Variants in FHIT observed in about 807,000 individuals in gnomAD.
The protein encoded by FHIT is bis(5'-adenosyl)-triphosphatase.
In FHIT, 19 loss-of-function variants were observed where a neutral mutation model predicts 17.9. The ratio of observed to expected loss-of-function variants is 1.06; its 90% CI spans 0.74 to 1.56. The LOEUF is 1.56. FHIT is among the 40% of genes most tolerant of loss of function. The pLI is 0.00. For synonymous variants in FHIT, 81 were observed against 69.7 expected (o/e 1.16, Z -0.81); for missense variants, 248 against 189.2 (o/e 1.31, Z -1.82).
intron 7 of FHIT, among the ~76,000 whole-genome samples, chr3:59,969,528 G>T (rs1238421546): frequency 6.6e-6 from 1 of 152,028 alleles, no homozygotes; most frequent in Non-Finnish European, 1.5e-5. Flanking sequence ...TTGCTTTTCA[G>T]TTCCCCAAAT....
At chr3:60,192,536 G>T (rs1366800888) in intron 5 of FHIT, among the ~76,000 whole-genome samples, 1 of 152,166 alleles carries the variant, frequency 6.6e-6, no homozygotes, top group Non-Finnish European at 1.5e-5. Flanking sequence ...GTAAGCATCT[G>T]ATCTATGAAC....
intron 5 of FHIT, among the ~76,000 whole-genome samples, chr3:60,498,705 C>A (rs2034402951): frequency 6.6e-6 from 1 of 152,168 alleles, no homozygotes; most frequent in Non-Finnish European, 1.5e-5. Flanking sequence ...AACAACATCA[C>A]ACACCTTAAT....
chr3:61,125,519 G>T (rs1392139159), intron 2 of FHIT, among the ~76,000 whole-genome samples: 1 of 152,084 alleles, frequency 6.6e-6, no homozygotes, highest in Non-Finnish European at 1.5e-5. Context: ...TTCCAGGCAG[G>T]TAGCAGGAAC....
At chr3:60,689,495 AGGG>A (rs1450570321) in intron 4 of FHIT, among the ~76,000 whole-genome samples, 1 of 152,148 alleles carries the variant, frequency 6.6e-6, no homozygotes, top group Non-Finnish European at 1.5e-5. Flanking sequence ...ATTTTATTCC[AGGG>A]ACTTGAGCAT....
At chr3:60,175,848 A>G (rs1478865810) in intron 5 of FHIT, among the ~76,000 whole-genome samples, 2 of 152,106 alleles carry the variant, frequency 1.3e-5, no homozygotes, top group East Asian at 3.9e-4. Context: ...ACTGTTAACT[A>G]CCCTAGTACA....
chr3:59,791,504 T>C (rs1034618735), intron 8 of FHIT, among the ~76,000 whole-genome samples: 4 of 152,206 alleles, frequency 2.6e-5, no homozygotes, highest in Non-Finnish European at 5.9e-5. Flanking sequence ...TCAACAATAC[T>C]ATTAGACTTT....
chr3:60,480,285 C>T (rs2033550668), intron 5 of FHIT, among the ~76,000 whole-genome samples: 1 of 152,128 alleles, frequency 6.6e-6, no homozygotes, highest in Admixed American at 6.6e-5. Context: ...CAGGTCTCTC[C>T]CTCAACATCT....
chr3:61,047,664 A>G (rs1430522835), intron 2 of FHIT, among the ~76,000 whole-genome samples: 1 of 152,178 alleles, frequency 6.6e-6, no homozygotes, highest in Admixed American at 6.6e-5. Flanking sequence ...AAAAGAGCCC[A>G]CATTGCTAAG....
chr3:60,035,888 C>G (rs986129490), intron 5 of FHIT, among the ~76,000 whole-genome samples: 38 of 152,188 alleles, frequency 2.5e-4, no homozygotes, highest in African/African-American at 8.7e-4. Flanking sequence ...AACAAGCAGT[C>G]CCAGCATTTC....
chr3:60,369,418 C>G (rs1184262230), intron 5 of FHIT, among the ~76,000 whole-genome samples: 3 of 152,194 alleles, frequency 2.0e-5, no homozygotes, highest in Non-Finnish European at 4.4e-5. Context: ...ATATCTTGGT[C>G]ATCTTCCATC....
rs1309656223 is a variant in FHIT, at chr3:60,519,737, T to G, written c.103+17123A>C. 3.9e-5 allele frequency among the ~76,000 whole-genome samples: 6 copies of G among 152,314 alleles called. No individual in the cohort carries two copies. The East Asian group carries it at 1.2e-3, about 29-fold the overall frequency. On this transcript the variant is annotated intron_variant, in intron 5 of 9. Coordinates refer to ENST00000492590, the MANE Select transcript of FHIT (RefSeq NM_002012.4). Reference sequence around the variant, plus strand: ...CATATCAAGGAATTTAACCTTTTCTTGTAACATCATGGCTTTTCTCTGCTT... The same window carrying G: ...CATATCAAGGAATTTAACCTTTTCTGGTAACATCATGGCTTTTCTCTGCTT...
intron 4 of FHIT, among the ~76,000 whole-genome samples, chr3:60,694,873 T>G (rs1420889228): frequency 1.3e-5 from 2 of 151,652 alleles, no homozygotes; most frequent in Non-Finnish European, 2.9e-5. Flanking sequence ...ATGAAAACAC[T>G]TGGACACAAG....
chr3:60,448,733 C>G (rs988975703), intron 5 of FHIT, among the ~76,000 whole-genome samples: 1 of 152,144 alleles, frequency 6.6e-6, no homozygotes, highest in African/African-American at 2.4e-5. Context: ...CGTGCCTTTC[C>G]TAGCTATTCT....
chr3:59,777,445 T>A (rs902348776), intron 8 of FHIT, among the ~76,000 whole-genome samples: 12 of 152,034 alleles, frequency 7.9e-5, no homozygotes, highest in African/African-American at 2.4e-4. Context: ...AGCACTATCA[T>A]CCAGCTGGTT....
rs1271239925 is a variant in FHIT, at chr3:60,605,577, C to A, written c.-17-68598G>T. Among the ~76,000 whole-genome samples the A allele has an allele frequency of 2.6e-5, 4 of 152,308 alleles. No individual in the cohort carries two copies. The East Asian group carries it at 7.7e-4, about 29-fold the overall frequency. ...CATTCCATTTCTTCCTATGTCTTTT[C>A]ATTCATTTGTTTATCTCCTTGGTCT... is the stretch of plus-strand genomic sequence containing the variant. On this transcript the variant is annotated intron_variant, in intron 4 of 9. Transcript: ENST00000492590.
intron 5 of FHIT, among the ~76,000 whole-genome samples, chr3:60,475,096 C>T (rs4393860): frequency 0.33 from 47,326 of 143,984 alleles, 8,453 homozygotes; most frequent in East Asian, 0.54. Context: ...TGGGGGAAAA[C>T]GAAAAACTCT....
At chr3:59,994,028 A>AAGCACCATC (rs1699400512) in intron 7 of FHIT, among the ~76,000 whole-genome samples, 1 of 152,068 alleles carries the variant, frequency 6.6e-6, no homozygotes, top group Non-Finnish European at 1.5e-5. Flanking sequence ...CTATGACACC[A>AAGCACCATC]AGCACCATCA....
intron 3 of FHIT, among the ~76,000 whole-genome samples, chr3:60,931,972 C>T (rs1439940996): frequency 2.6e-5 from 4 of 152,178 alleles, no homozygotes; most frequent in African/African-American, 9.7e-5. Flanking sequence ...ATTCAGAACA[C>T]TAACGGCTAC....
Position 60,146,372 on chromosome 3 carries a change from T to A in FHIT, c.104-132220A>T, listed in dbSNP as rs182321769. 1.3e-3 allele frequency among the ~76,000 whole-genome samples: 202 copies of A among 152,120 alleles called. 1 individual carries two copies. Among genetic ancestry groups the A allele is most frequent in the African/African-American group, 4.7e-3 (193 of 41,492 alleles). On this transcript the variant is annotated intron_variant, in intron 5 of 9. Coordinates refer to ENST00000492590, the MANE Select transcript of FHIT (RefSeq NM_002012.4). ...AACAATAGGCTATTGTATGCTGGGA[T>A]GAGCCATCCCCAGCATGATACTAGA...
Sources: gnomAD v4.1 joint callset for allele counts (sites outside exome capture counted in the v4.1 genomes callset) on GRCh38, gnomAD v4.1.1 for gene constraint, MANE v1.5 for transcripts, NCBI Gene and HGNC (gene_info 2026-07-23, HGNC 2026-07-21) for gene names.